SPTLC3: variants seen among roughly 807,000 people sequenced by gnomAD.
SPTLC3 encodes serine palmitoyltransferase 3.
SPTLC3 carries 36 observed loss-of-function variants against 59.3 expected under a neutral mutation model. The ratio of observed to expected loss-of-function variants is 0.61; its 90% CI spans 0.47 to 0.80. The LOEUF is 0.80. Ranked by LOEUF, SPTLC3 falls within the 30% of genes least tolerant of loss-of-function variation. SPTLC3 has a pLI of 0.00. For missense variants in SPTLC3, 625 were observed against 685.1 expected (o/e 0.91, Z 0.98); for synonymous variants, 257 against 240.8 (o/e 1.07, Z -0.62).
chr20:13,153,906 C>A, intron 9 of SPTLC3, 97 bp from the exon 10 acceptor site: 1 of 1,495,948 alleles, frequency 6.7e-7, no homozygotes, highest in East Asian at 2.3e-5. Flanking sequence ...GTGCTGCTGG[C>A]CTGCAGAAAG....
At chr20:13,071,627 C>T (rs1988439158) in intron 2 of SPTLC3, among the ~76,000 whole-genome samples, 1 of 152,102 alleles carries the variant, frequency 6.6e-6, no homozygotes, top group South Asian at 2.1e-4. Flanking sequence ...GAAGAGGGAA[C>T]TATTAAGAGT....
chr20:13,072,182 C>T, intron 2 of SPTLC3, 74 bp from the exon 3 acceptor site: 1 of 1,489,552 alleles, frequency 6.7e-7, no homozygotes, highest in South Asian at 1.4e-5. Context: ...TCCAGGTCTT[C>T]TTCCCTGCTT....
In SPTLC3 at chr20:13,025,553, T is replaced by C. The variant is rs143835837; in HGVS notation, c.117+16169T>C. On this transcript the variant is annotated intron_variant, in intron 1 of 11. Coordinates refer to ENST00000399002, the MANE Select transcript of SPTLC3 (RefSeq NM_018327.4). Reference sequence around the variant, plus strand: ...TGGTGGTGAGAAATTAATAAGATAATGCATGCAAAGCCTTAGAACAGTGCA... The same window carrying C: ...TGGTGGTGAGAAATTAATAAGATAACGCATGCAAAGCCTTAGAACAGTGCA... Among the ~76,000 whole-genome samples, 422 of 152,230 alleles carry C rather than the reference T, an allele frequency of 2.8e-3. 4 individuals are homozygous for C. Among genetic ancestry groups the C allele is most frequent in the South Asian group, 9.3e-3 (45 of 4,822 alleles).
chr20:13,145,123 C>T (rs1170934002), intron 9 of SPTLC3, among the ~76,000 whole-genome samples: 1 of 152,034 alleles, frequency 6.6e-6, no homozygotes, highest in Non-Finnish European at 1.5e-5. Context: ...TGATGTGTTT[C>T]TCTGGTTAAG....
intron 2 of SPTLC3, among the ~76,000 whole-genome samples, chr20:13,064,797 T>A (rs1193026033): frequency 6.6e-6 from 1 of 152,226 alleles, no homozygotes; most frequent in Admixed American, 6.5e-5. Context: ...ATATGATGTC[T>A]TCATAGCAGT....
At chr20:13,014,362 G>T in intron 1 of SPTLC3, among the ~76,000 whole-genome samples, 1 of 152,184 alleles carries the variant, frequency 6.6e-6, no homozygotes, top group Non-Finnish European at 1.5e-5. Context: ...CTTCAGAGAG[G>T]CATTTGACCC....
chr20:13,072,344 G>A lies in SPTLC3; in HGVS notation c.392G>A (p.Cys131Tyr), dbSNP rs1045508978. 3 of 1,613,844 alleles carry A rather than the reference G, an allele frequency of 1.9e-6. No homozygotes were observed. The highest frequency in any genetic ancestry group is 1.7e-5 in the Admixed American group (1 of 59,986). Residue 131 changes from cysteine to tyrosine, a missense_variant, in exon 3 of 12, where the codon TGC becomes TAC. Transcript: ENST00000399002. ...RIRDNWNRPI[C>Y]SAPGPLFDLM... ...AGAGACAACTGGAACCGGCCCATCT[G>A]CAGTGCCCCAGGGCCTCTGTTTGAT...
intron 6 of SPTLC3, among the ~76,000 whole-genome samples, chr20:13,098,223 C>T (rs892943609): frequency 6.6e-6 from 1 of 151,902 alleles, no homozygotes; most frequent in Non-Finnish European, 1.5e-5. Flanking sequence ...GGGAGAATAC[C>T]CTATTCTTAA....
Position 13,091,223 on chromosome 20 carries a change from C to CTAA in SPTLC3, c.732+18_732+20dup, listed in dbSNP as rs1420138088. ...AGTTGGAAAGGTGAGAATTGTTAAC[C>CTAA]TAATTGTCTTCTACTGTATTACTCC... On this transcript the variant is annotated intron_variant, in intron 5 of 11. Coordinates refer to ENST00000399002, the MANE Select transcript of SPTLC3 (RefSeq NM_018327.4). The CTAA allele has an allele frequency of 2.5e-6, 4 of 1,611,402 alleles. No homozygotes were observed. The highest frequency in any genetic ancestry group is 3.4e-6 in the Non-Finnish European group (4 of 1,178,326).
chr20:13,166,113 A>T lies in SPTLC3; in HGVS notation c.*1246A>T, dbSNP rs922143115. Reference sequence around the variant, plus strand: ...GTGCCCAGATTTGGAAATTCTAGAGAGCAGTGGTGACCTTTTAGCAAAGCT... The same window carrying T: ...GTGCCCAGATTTGGAAATTCTAGAGTGCAGTGGTGACCTTTTAGCAAAGCT... On this transcript the variant is annotated 3_prime_UTR_variant, in exon 12 of 12. Coordinates refer to ENST00000399002, the MANE Select transcript of SPTLC3 (RefSeq NM_018327.4). The T allele has an allele frequency of 6.6e-6, 1 of 152,638 alleles. No individual in the cohort carries two copies. The highest frequency in any genetic ancestry group is 2.4e-5 in the African/African-American group (1 of 41,440). The allele number at this position is 152,638 out of a possible 1,614,324, so 9.5% of individuals were successfully genotyped here.
At chr20:13,132,673 A>C (rs1463921843) in intron 9 of SPTLC3, among the ~76,000 whole-genome samples, 1 of 152,056 alleles carries the variant, frequency 6.6e-6, no homozygotes, top group Non-Finnish European at 1.5e-5. Context: ...TATCCCTCTT[A>C]CCTCAGCAAA....
chr20:13,091,058 A>C, intron 4 of SPTLC3, 25 bp from the exon 5 acceptor site: 1 of 1,611,940 alleles, frequency 6.2e-7, no homozygotes, highest in Non-Finnish European at 8.5e-7. Context: ...GAGAAGGCTC[A>C]CTTCTCATGT....
rs545172419 is a variant in SPTLC3, at chr20:13,066,417, C to A, written c.304-5839C>A. On this transcript the variant is annotated intron_variant, in intron 2 of 11. Transcript: ENST00000399002. The stretch of plus-strand genomic sequence containing the variant: ...TGGGCTCTCTATTCTGTTCCATTGG[C>A]CTATGTGTCTGTTTCTATGCCAGTA... Among the ~76,000 whole-genome samples the A allele has an allele frequency of 7.7e-3, 1,176 of 152,196 alleles. 14 individuals are homozygous for A. Among genetic ancestry groups the A allele is most frequent in the Non-Finnish European group, 0.012 (829 of 67,986 alleles).
At chr20:13,023,762 C>A (rs1986009349) in intron 1 of SPTLC3, among the ~76,000 whole-genome samples, 1 of 152,164 alleles carries the variant, frequency 6.6e-6, no homozygotes, top group African/African-American at 2.4e-5. Context: ...ATATGATATA[C>A]TCCAAGCTTG....
intron 1 of SPTLC3, among the ~76,000 whole-genome samples, chr20:13,022,083 C>T (rs930320355): frequency 2.0e-5 from 3 of 152,172 alleles, no homozygotes; most frequent in East Asian, 3.9e-4. Flanking sequence ...TTTCCTCCTC[C>T]CGCTCTCTAA....
In SPTLC3 at chr20:13,009,396, T is replaced by C. The variant is rs3761895; in HGVS notation, c.117+12T>C. The C allele has an allele frequency of 0.72, 1,153,691 of 1,603,190 alleles. 425,139 individuals are homozygous for C. The highest frequency in any genetic ancestry group is 0.81 in the South Asian group (73,112 of 90,816). ...TGAAGGAAGCCCAGGTAAGAGGCAC[T>C]CTCCCCTACTCTTCTCTGAATTACC... On this transcript the variant is annotated intron_variant, in intron 1 of 11. Coordinates refer to ENST00000399002, the MANE Select transcript of SPTLC3 (RefSeq NM_018327.4).
chr20:13,085,054 T>C (rs1442403568), intron 4 of SPTLC3, among the ~76,000 whole-genome samples: 4 of 152,080 alleles, frequency 2.6e-5, no homozygotes, highest in African/African-American at 9.7e-5. Flanking sequence ...AGCAGGTTGA[T>C]TTGTGGTTTC....
rs769441414 is a variant in SPTLC3, at chr20:13,164,886, A to G, written c.*19A>G. 1 of 1,592,984 alleles carries G rather than the reference A, an allele frequency of 6.3e-7. No individual in the cohort carries two copies. The highest frequency in any genetic ancestry group is 1.1e-5 in the South Asian group (1 of 88,696). On this transcript the variant is annotated 3_prime_UTR_variant, in exon 12 of 12. Transcript: ENST00000399002. The stretch of plus-strand genomic sequence containing the variant: ...AGATTAAGTTTCCTGGTCCTGAATG[A>G]CACATAAAGACTTTGCGAGAAAGAC...
At chr20:13,022,538 T>C (rs1985938422) in intron 1 of SPTLC3, among the ~76,000 whole-genome samples, 1 of 152,120 alleles carries the variant, frequency 6.6e-6, no homozygotes, top group Non-Finnish European at 1.5e-5. Context: ...CTGGAGAAGC[T>C]GGGCCAGGAG....
Sources: gnomAD v4.1 joint callset for allele counts (sites outside exome capture counted in the v4.1 genomes callset) on GRCh38, gnomAD v4.1.1 for gene constraint, MANE v1.5 for transcripts, NCBI Gene and HGNC (gene_info 2026-07-23, HGNC 2026-07-21) for gene names.